Variants in NCS1 observed in about 807,000 individuals in gnomAD.
The protein encoded by NCS1 is neuronal calcium sensor 1, also known as frequenin homolog.
NCS1 carries 6 observed loss-of-function variants against 28.4 expected under a neutral mutation model. That is an observed-to-expected ratio of 0.21 (90% confidence interval 0.12 to 0.42). NCS1 has a LOEUF of 0.42. Ranked by LOEUF, NCS1 falls within the 10% of genes least tolerant of loss-of-function variation. The pLI, the probability that NCS1 is intolerant of heterozygous loss-of-function variation, is 1.00. For synonymous variants in NCS1, 86 were observed against 99.3 expected (o/e 0.87, Z 0.79); for missense variants, 131 against 241.4 (o/e 0.54, Z 3.03).
At chr9:130,231,482 C>T (rs1588128541) in intron 7 of NCS1, among the ~76,000 whole-genome samples, 1 of 151,950 alleles carries the variant, frequency 6.6e-6, no homozygotes, top group Non-Finnish European at 1.5e-5. Context: ...CTCCTGGATT[C>T]AAGCGATTCT....
Position 130,179,152 on chromosome 9 carries a change from C to T in NCS1, c.64+6425C>T, listed in dbSNP as rs1212216654. 7.3e-5 allele frequency among the ~76,000 whole-genome samples: 11 copies of T among 151,664 alleles called. No homozygotes were observed. In the South Asian group the frequency reaches 1.5e-3, roughly 20 times the overall value. ...TTCACCATATTGGTCAGGCTGGTCTCGAACTCCTGACCTCAGGTGATTCAC... is the reference window on the plus strand; with the variant it reads ...TTCACCATATTGGTCAGGCTGGTCTTGAACTCCTGACCTCAGGTGATTCAC... On this transcript the variant is annotated intron_variant, in intron 1 of 7. Transcript: ENST00000372398.
At chr9:130,182,502 G>A (rs576801997) in intron 1 of NCS1, among the ~76,000 whole-genome samples, 2 of 152,354 alleles carry the variant, frequency 1.3e-5, no homozygotes, top group East Asian at 3.9e-4. Flanking sequence ...CCTCCTGCAG[G>A]AGATTTGGGG....
At chr9:130,198,007 T>C (rs1314859734) in intron 1 of NCS1, among the ~76,000 whole-genome samples, 3 of 150,282 alleles carry the variant, frequency 2.0e-5, no homozygotes, top group African/African-American at 7.3e-5. Context: ...CCCCAGGCAG[T>C]GAAGCAGTTA....
chr9:130,189,078 T>C (rs535925143), intron 1 of NCS1, among the ~76,000 whole-genome samples: 27 of 152,232 alleles, frequency 1.8e-4, no homozygotes, highest in Admixed American at 1.4e-3. Flanking sequence ...ACAGGGTGTG[T>C]CTCCCCTGTT....
chr9:130,201,104 G>A (rs1363673813), intron 2 of NCS1, 122 bp downstream of exon 2: 57 of 1,301,704 alleles, frequency 4.4e-5, no homozygotes, highest in Non-Finnish European at 5.6e-5. Flanking sequence ...GCCCCTGAGC[G>A]TGGGGTCCAG....
chr9:130,183,263 C>T (rs1348254764), intron 1 of NCS1, among the ~76,000 whole-genome samples: 3 of 152,126 alleles, frequency 2.0e-5, no homozygotes, highest in African/African-American at 4.8e-5. Context: ...CTGTGAGATG[C>T]GATGTCACCA....
chr9:130,228,330 C>T (rs1222078319), intron 7 of NCS1, among the ~76,000 whole-genome samples: 13 of 151,696 alleles, frequency 8.6e-5, no homozygotes, highest in Non-Finnish European at 1.8e-4. Flanking sequence ...CAGACATTTG[C>T]CACCATATCT....
intron 5 of NCS1, 50 bp downstream of exon 5, chr9:130,222,788 A>G: frequency 6.4e-7 from 1 of 1,553,186 alleles, no homozygotes; most frequent in Middle Eastern, 1.7e-4. Flanking sequence ...GGGCAAAGCC[A>G]GTGACTGAGA....
At chr9:130,172,852 C>T (rs1232805021) in intron 1 of NCS1, 125 bp downstream of exon 1, 15 of 449,970 alleles carry the variant, frequency 3.3e-5, no homozygotes, top group African/African-American at 8.6e-5. Flanking sequence ...CCTCCCCGCC[C>T]GGCCTCCAAT....
intron 4 of NCS1, among the ~76,000 whole-genome samples, chr9:130,221,128 A>G (rs1036639042): frequency 6.6e-6 from 1 of 151,896 alleles, no homozygotes; most frequent in Admixed American, 6.6e-5. Flanking sequence ...GGTTCAAGCA[A>G]TTCTCCTGCT....
At chr9:130,228,270 T>C (rs1358431489) in intron 7 of NCS1, among the ~76,000 whole-genome samples, 2 of 151,668 alleles carry the variant, frequency 1.3e-5, no homozygotes, top group Non-Finnish European at 2.9e-5. Context: ...CCTCCCAGAC[T>C]CAGACGAGCC....
At position 130,203,046 on chromosome 9, in the gene NCS1, A is replaced by ATGTGTGTG. The variant is rs113946626; in HGVS notation, c.89+2092_89+2099dup. On this transcript the variant is annotated intron_variant, in intron 2 of 7. Coordinates refer to ENST00000372398, the MANE Select transcript of NCS1 (RefSeq NM_014286.4). ...CTGAGCTCTTGCCTCCAGGGTAAATATGTGTGTGTGTGTGTGTGTGTGTGT... is the reference window on the plus strand; with the variant it reads ...CTGAGCTCTTGCCTCCAGGGTAAATATGTGTGTGTGTGTGTGTGTGTGTGTGTGTGTGT... Among the ~76,000 whole-genome samples the ATGTGTGTG allele has an allele frequency of 3.9e-3, 553 of 142,706 alleles. 5 individuals carry two copies. The highest frequency in any genetic ancestry group is 0.012 in the African/African-American group (436 of 37,576). The allele number at this position is 142,706 out of a possible 152,430, so 93.6% of individuals were successfully genotyped here. A position where few individuals can be genotyped will look rare whatever the true frequency, so the allele number is the denominator to read the frequency against.
Position 130,219,395 on chromosome 9 carries a change from G to C in NCS1, c.229-330G>C, listed in dbSNP as rs1474536003. 1.3e-5 allele frequency among the ~76,000 whole-genome samples: 2 copies of C among 152,182 alleles called. No homozygotes were observed. The highest frequency in any genetic ancestry group is 3.8e-4 in the East Asian group (2 of 5,198). ...CAGCTCTAGGCCGAGGGGCTTCCGG[G>C]CTGTTGCTGAGAGGAGCTCAGGCAT... On this transcript the variant is annotated intron_variant, in intron 3 of 7. Coordinates refer to ENST00000372398, the MANE Select transcript of NCS1 (RefSeq NM_014286.4). This position sits in a 1 kb window ranked among gnomAD's most constrained non-coding sequence, Gnocchi z 5.7.
chr9:130,176,194 C>CTTTCTTTCTTTCTTTTT (rs1554904576), intron 1 of NCS1, among the ~76,000 whole-genome samples: 2 of 50,138 alleles, frequency 4.0e-5, no homozygotes, highest in Non-Finnish European at 3.5e-5. Context: ...TTCTTTCTTT[C>CTTTCTTTCTTTCTTTTT]TTTTTTTTTT....
intron 2 of NCS1, among the ~76,000 whole-genome samples, chr9:130,206,497 C>G (rs918765260): frequency 3.3e-5 from 5 of 151,538 alleles, no homozygotes; most frequent in Non-Finnish European, 1.5e-5. Flanking sequence ...CAATCTCTAC[C>G]TCCTGGGTTC....
chr9:130,230,895 T>G (rs1349690263), intron 7 of NCS1, among the ~76,000 whole-genome samples: 1 of 152,150 alleles, frequency 6.6e-6, no homozygotes, highest in Admixed American at 6.6e-5. Context: ...AAAGATTCTT[T>G]GAAAAATTCA....
intron 1 of NCS1, chr9:130,200,492 G>T (rs1588115320): frequency 7.3e-7 from 1 of 1,374,234 alleles, no homozygotes; most frequent in East Asian, 2.5e-5. Flanking sequence ...CTTCTGCTGA[G>T]AGCTGCCCCT....
rs1266136035 is a variant in NCS1 at position 130,215,213 on chromosome 9, T to C, written c.90-2619T>C. On this transcript the variant is annotated intron_variant, in intron 2 of 7. Transcript: ENST00000372398. The surrounding 1 kb of genome is among the most constrained non-coding windows in gnomAD (Gnocchi z 4.2). ...TCCTGGTGCCAGGCATGTTCCCTCC[T>C]CTGCCCAGGGGCCCATCCTGGCCTG... Among the ~76,000 whole-genome samples, 1 of 152,180 alleles carries C rather than the reference T, an allele frequency of 6.6e-6. No homozygotes were observed. Among genetic ancestry groups the C allele is most frequent in the Non-Finnish European group, 1.5e-5 (1 of 68,030 alleles).
Position 130,188,147 on chromosome 9 carries a change from C to G in NCS1, c.65-12811C>G, listed in dbSNP as rs553421366. On this transcript the variant is annotated intron_variant, in intron 1 of 7. Transcript: ENST00000372398. ...TATTAATAGTAGTGGCAATTGTTAA[C>G]ATTTTGGGATACTTGCTGTGTTCTC... Among the ~76,000 whole-genome samples, 3 of 152,342 alleles carry G rather than the reference C, an allele frequency of 2.0e-5. No individual in the cohort carries two copies. The East Asian group carries it at 5.8e-4, about 29-fold the overall frequency.
Sources: allele counts gnomAD v4.1 joint callset (sites outside exome capture counted in the v4.1 genomes callset), GRCh38; gene constraint gnomAD v4.1.1; non-coding constraint Gnocchi (gnomAD v3.1); transcripts MANE v1.5; gene names NCBI Gene and HGNC (gene_info 2026-07-23, HGNC 2026-07-21).